The following EMCN variants were observed in gnomAD, a reference collection of about 807,000 sequenced individuals.
The protein encoded by EMCN is endomucin.
In EMCN, 37 loss-of-function variants were observed where a neutral mutation model predicts 38.4. The observed-to-expected ratio is 0.96, with a 90% CI of 0.74 to 1.27. The LOEUF is 1.27. EMCN is among the 50% of genes most tolerant of loss of function. The pLI, the probability that EMCN is intolerant of heterozygous loss-of-function variation, is 0.00. For missense variants in EMCN, 318 were observed against 302.8 expected (o/e 1.05, Z -0.37); for synonymous variants, 95 against 100.8 (o/e 0.94, Z 0.35).
In EMCN at chr4:100,398,117, A is replaced by G. The variant is rs1393532600; in HGVS notation, c.*296T>C. The G allele has an allele frequency of 6.6e-6, 1 of 152,036 alleles. No individual in the cohort carries two copies. Among genetic ancestry groups the G allele is most frequent in the East Asian group, 1.9e-4 (1 of 5,168 alleles). 9.4% of individuals were successfully genotyped at this position (152,036 alleles called of 1,614,324 possible). Reference sequence around the variant, plus strand: ...GCCCACCTCCTGGGCTGTCAGATTCACTGCTCACAAATTCTCCTCCTAAAA... The same window carrying G: ...GCCCACCTCCTGGGCTGTCAGATTCGCTGCTCACAAATTCTCCTCCTAAAA... On this transcript the variant is annotated 3_prime_UTR_variant, in exon 12 of 12. Coordinates refer to ENST00000296420, the MANE Select transcript of EMCN (RefSeq NM_016242.4).
intron 5 of EMCN, among the ~76,000 whole-genome samples, chr4:100,435,448 G>A (rs1387046160): frequency 1.3e-5 from 2 of 152,024 alleles, no homozygotes; most frequent in African/African-American, 4.8e-5. Flanking sequence ...TGGCCATACT[G>A]CCCAAAGTAA....
intron 1 of EMCN, among the ~76,000 whole-genome samples, chr4:100,517,347 C>T (rs926316843): frequency 6.6e-6 from 1 of 152,026 alleles, no homozygotes; most frequent in East Asian, 1.9e-4. Flanking sequence ...ATTCACCCTA[C>T]CTCAAAATAT....
At chr4:100,399,246 C>T (rs528137635) in intron 11 of EMCN, among the ~76,000 whole-genome samples, 15 of 152,256 alleles carry the variant, frequency 9.9e-5, no homozygotes, top group African/African-American at 3.6e-4. Context: ...GTCCCAAGTA[C>T]GAAAAGGGTA....
intron 5 of EMCN, among the ~76,000 whole-genome samples, chr4:100,435,140 C>A (rs903416292): frequency 3.9e-5 from 6 of 152,134 alleles, no homozygotes; most frequent in Non-Finnish European, 5.9e-5. Context: ...TGTCTCAGTG[C>A]AAAAGCTTCT....
chr4:100,487,733 A>T (rs557094092), intron 1 of EMCN, among the ~76,000 whole-genome samples: 1 of 152,202 alleles, frequency 6.6e-6, no homozygotes, highest in African/African-American at 2.4e-5. Context: ...CATGTAAGAC[A>T]TGAGTTTGCT....
intron 1 of EMCN, among the ~76,000 whole-genome samples, chr4:100,515,112 T>A (rs1032014516): frequency 6.6e-6 from 1 of 152,178 alleles, no homozygotes; most frequent in African/African-American, 2.4e-5. Flanking sequence ...AAATGGTGTT[T>A]GTCCCTGTCT....
intron 4 of EMCN, among the ~76,000 whole-genome samples, chr4:100,450,953 CTTTCTTGCAGT>C (rs1043872553): frequency 5.9e-5 from 9 of 151,832 alleles, no homozygotes; most frequent in African/African-American, 2.2e-4. Context: ...TCCTTTTCAG[CTTTCTTGCAGT>C]TTACTTGGTT....
intron 1 of EMCN, among the ~76,000 whole-genome samples, chr4:100,486,160 G>C (rs1728935359): frequency 6.6e-6 from 1 of 152,130 alleles, no homozygotes; most frequent in Non-Finnish European, 1.5e-5. Flanking sequence ...ACAATATTAA[G>C]TGAAATCAAA....
rs753607629 is a variant in EMCN, at chr4:100,417,112, C to T, written c.689+5G>A. ...CTAAACAAAAGATGATATGGGCTTA[C>T]TTACTGATCATTTCCATTTTCTGGT... On this transcript the variant is annotated splice_donor_5th_base_variant and intron_variant, in intron 9 of 11. Coordinates refer to ENST00000296420, the MANE Select transcript of EMCN (RefSeq NM_016242.4). 1 of 1,613,598 alleles carries T rather than the reference C, an allele frequency of 6.2e-7. No homozygotes were observed. The highest frequency in any genetic ancestry group is 2.2e-5 in the East Asian group (1 of 44,834).
chr4:100,475,659 CT>C (rs869169290), intron 2 of EMCN, among the ~76,000 whole-genome samples: 76 of 60,190 alleles, frequency 1.3e-3, no homozygotes, highest in East Asian at 3.7e-3. Context: ...AATTCTAGTC[CT>C]TTTTTTTTTT....
intron 1 of EMCN, among the ~76,000 whole-genome samples, chr4:100,500,731 G>A (rs1441462735): frequency 6.6e-6 from 1 of 151,782 alleles, no homozygotes; most frequent in Non-Finnish European, 1.5e-5. Flanking sequence ...CATTGTCACT[G>A]GTATATACAA....
chr4:100,452,672 C>T (rs548094998), intron 4 of EMCN, among the ~76,000 whole-genome samples: 3 of 151,960 alleles, frequency 2.0e-5, no homozygotes, highest in Non-Finnish European at 4.4e-5. Context: ...GCAAGAAATG[C>T]GTATGTATTG....
In EMCN at chr4:100,395,394, G is replaced by A. The variant is rs563427767; in HGVS notation, c.*3019C>T. ...CATTTATTGGAAAATGAGAAGTCCT[G>A]TGTGTGCAGAGAAATTTTAAAGAAA... On this transcript the variant is annotated 3_prime_UTR_variant, in exon 12 of 12. Transcript: ENST00000296420. 6.6e-5 allele frequency: 10 copies of A among 152,256 alleles called. No homozygotes were observed. The highest frequency in any genetic ancestry group is 1.9e-4 in the East Asian group (1 of 5,172). 9.4% of individuals were successfully genotyped at this position (152,256 alleles called of 1,614,324 possible).
At chr4:100,508,624 T>G (rs1460446388) in intron 1 of EMCN, among the ~76,000 whole-genome samples, 1 of 152,212 alleles carries the variant, frequency 6.6e-6, no homozygotes, top group Admixed American at 6.5e-5. Context: ...AAAGGCAAAC[T>G]ATGTAATCAA....
intron 3 of EMCN, among the ~76,000 whole-genome samples, chr4:100,471,149 A>C (rs906722544): frequency 1.3e-5 from 2 of 152,084 alleles, no homozygotes; most frequent in South Asian, 2.1e-4. Flanking sequence ...CAGAAAAAAA[A>C]CACAAAAGTT....
rs138821168 is a variant in EMCN at position 100,462,619 on chromosome 4, C to T, written c.376+2804G>A. On this transcript the variant is annotated intron_variant, in intron 4 of 11. Transcript: ENST00000296420. ...ATATTATAGGGGCCATCATATTATA[C>T]GTAGATGAATTTTGGTTTCCTGAAG... Among the ~76,000 whole-genome samples, 1,324 of 152,110 alleles carry T rather than the reference C, an allele frequency of 8.7e-3. 11 individuals are homozygous for T. The highest frequency in any genetic ancestry group is 0.024 in the African/African-American group (993 of 41,520).
chr4:100,493,006 A>G (rs1462776528), intron 1 of EMCN, among the ~76,000 whole-genome samples: 1 of 152,208 alleles, frequency 6.6e-6, no homozygotes, highest in African/African-American at 2.4e-5. Flanking sequence ...ACATATAAAA[A>G]GTTAAGAAGT....
intron 4 of EMCN, among the ~76,000 whole-genome samples, chr4:100,459,465 T>A (rs1305323463): frequency 6.6e-6 from 1 of 152,028 alleles, no homozygotes; most frequent in Non-Finnish European, 1.5e-5. Flanking sequence ...AAGTAGAAAA[T>A]ACATTATTAT....
chr4:100,490,673 A>T (rs1019010491), intron 1 of EMCN, among the ~76,000 whole-genome samples: 2 of 152,192 alleles, frequency 1.3e-5, no homozygotes, highest in Non-Finnish European at 2.9e-5. Context: ...AAGAGGTTAT[A>T]CCATAAGGCC....
Sources: allele counts gnomAD v4.1 joint callset (sites outside exome capture counted in the v4.1 genomes callset), GRCh38; gene constraint gnomAD v4.1.1; transcripts MANE v1.5; gene names NCBI Gene and HGNC (gene_info 2026-07-23, HGNC 2026-07-21).